CDH11: variants seen among roughly 807,000 people sequenced by gnomAD.
The protein encoded by CDH11 is cadherin 11, also known as cadherin-11.
Under a neutral mutation model 67.8 loss-of-function variants are expected in CDH11, and 11 were observed. The observed-to-expected ratio is 0.16, with a 90% CI of 0.10 to 0.27. The LOEUF (loss-of-function observed/expected upper bound fraction) is 0.27, where lower values mean the gene tolerates loss of function less well. Among genes scored for constraint, CDH11 ranks in the 10% least tolerant of loss-of-function variants. CDH11 has a pLI of 1.00. For synonymous variants in CDH11, 419 were observed against 400.0 expected (o/e 1.05, Z -0.57); for missense variants, 847 against 1,031.2 (o/e 0.82, Z 2.45).
At chr16:64,963,083 C>T (rs2071716876) in intron 11 of CDH11, among the ~76,000 whole-genome samples, 1 of 152,128 alleles carries the variant, frequency 6.6e-6, no homozygotes, top group African/African-American at 2.4e-5. Context: ...ACAAAAAATC[C>T]TACAATTTGA....
At chr16:65,025,873 G>A (rs78044314) in intron 2 of CDH11, among the ~76,000 whole-genome samples, 7,568 of 152,248 alleles carry the variant, frequency 0.05, 273 homozygotes, top group Non-Finnish European at 0.07. Flanking sequence ...GACCTCAGCT[G>A]TAGCTCCTTG....
intron 2 of CDH11, among the ~76,000 whole-genome samples, chr16:65,033,237 AACACACAC>A (rs57645922): frequency 2.2e-5 from 3 of 139,518 alleles, no homozygotes; most frequent in Non-Finnish European, 4.6e-5. Context: ...AAACTAGGAA[AACACACAC>A]ACACACACAC....
At chr16:65,009,899 G>A (rs772246613) in intron 2 of CDH11, among the ~76,000 whole-genome samples, 19 of 152,246 alleles carry the variant, frequency 1.2e-4, no homozygotes, top group African/African-American at 2.6e-4. Context: ...CAGATAGCCC[G>A]TCAGAAGCCA....
At chr16:65,023,401 C>A (rs1212486734) in intron 2 of CDH11, among the ~76,000 whole-genome samples, 1 of 152,130 alleles carries the variant, frequency 6.6e-6, no homozygotes, top group African/African-American at 2.4e-5. Flanking sequence ...TCATTGGTGG[C>A]CAGAAAAGAT....
chr16:65,033,358 C>T (rs1379963930), intron 2 of CDH11, among the ~76,000 whole-genome samples: 1 of 152,020 alleles, frequency 6.6e-6, no homozygotes, highest in African/African-American at 2.4e-5. Context: ...TACTCATCTC[C>T]TGGTTATTCT....
chr16:65,090,912 C>T (rs2074782222), intron 1 of CDH11, among the ~76,000 whole-genome samples: 1 of 152,052 alleles, frequency 6.6e-6, no homozygotes, highest in South Asian at 2.1e-4. Context: ...AGTGTGTTTC[C>T]TACTTGAGTA....
intron 1 of CDH11, chr16:65,095,030 T>C (rs1418343391): frequency 6.6e-6 from 1 of 152,242 alleles, no homozygotes; most frequent in Non-Finnish European, 1.5e-5. Context: ...TGCACAAGCA[T>C]GTTTCAGGTA....
intron 3 of CDH11, among the ~76,000 whole-genome samples, chr16:65,000,804 G>C (rs2072902084): frequency 6.6e-6 from 1 of 151,558 alleles, no homozygotes. Flanking sequence ...GTGAGACTTT[G>C]TCTCAAAAAT....
chr16:65,096,406 G>GGGGGGT (rs1555528173), intron 1 of CDH11, among the ~76,000 whole-genome samples: 18 of 134,008 alleles, frequency 1.3e-4, no homozygotes, highest in African/African-American at 5.0e-4. Flanking sequence ...AATCTTTCGG[G>GGGGGGT]GTGTGTGTGT....
At chr16:65,057,671 T>C (rs116759989) in intron 1 of CDH11, among the ~76,000 whole-genome samples, 17 of 152,212 alleles carry the variant, frequency 1.1e-4, no homozygotes, top group African/African-American at 4.1e-4. Context: ...TTCCCTCTCT[T>C]AGGCTCTCCA....
intron 1 of CDH11, among the ~76,000 whole-genome samples, chr16:65,060,948 G>A (rs2074229563): frequency 6.6e-6 from 1 of 152,158 alleles, no homozygotes; most frequent in African/African-American, 2.4e-5. Context: ...GCTTCAGTAA[G>A]TACTGCTGTT....
intron 1 of CDH11, among the ~76,000 whole-genome samples, chr16:65,116,457 T>G (rs945757327): frequency 6.6e-6 from 1 of 152,184 alleles, no homozygotes; most frequent in African/African-American, 2.4e-5. Context: ...TCAAGAGAGC[T>G]GAATGTGGAG....
chr16:65,002,935 T>C (rs564158102), intron 3 of CDH11, among the ~76,000 whole-genome samples: 275 of 151,546 alleles, frequency 1.8e-3, no homozygotes, highest in African/African-American at 6.3e-3. Flanking sequence ...TTTTTCTTTT[T>C]TTTTTTTTAA....
intron 2 of CDH11, among the ~76,000 whole-genome samples, chr16:65,023,940 T>C (rs1426224612): frequency 6.6e-6 from 1 of 152,132 alleles, no homozygotes; most frequent in African/African-American, 2.4e-5. Flanking sequence ...TCCTGTTTCA[T>C]CCTGGGACTA....
At chr16:64,955,245 CA>C (rs201928749) in intron 11 of CDH11, among the ~76,000 whole-genome samples, 1 of 151,100 alleles carries the variant, frequency 6.6e-6, no homozygotes, top group Non-Finnish European at 1.5e-5. Flanking sequence ...GACTCTGTCT[CA>C]AAAAAACAAA....
Position 64,995,577 on chromosome 16 carries a change from T to C in CDH11, c.524-2543A>G, listed in dbSNP as rs144376807. 5.2e-3 allele frequency among the ~76,000 whole-genome samples: 797 copies of C among 152,232 alleles called. 7 individuals carry two copies. The highest frequency in any genetic ancestry group is 0.018 in the African/African-American group (748 of 41,544). On this transcript the variant is annotated intron_variant, in intron 4 of 12. Transcript: ENST00000268603. ...GAAACTGGACCCCTACCTTTCCCCA[T>C]ATACAAAAATTAACTCAGGATGAAT...
chr16:64,991,934 A>C lies in CDH11; in HGVS notation c.645T>G (p.Gly215=). ...QPYFSVEAQT[G]IIRTALPNMD... is the part of the protein sequence containing the mutation. ...TGTTGGGTAGGGCTGTTCTGATGAT[A>C]CCTGGACAGGTAAGCAGGCAACATC... The change falls in exon 6 of 13, where the codon GGT becomes GGG. Residue 215 remains glycine, a splice_region_variant and synonymous_variant. Transcript: ENST00000268603. 1 of 1,598,544 alleles carries C rather than the reference A, an allele frequency of 6.3e-7. No homozygotes were observed. The highest frequency in any genetic ancestry group is 8.6e-7 in the Non-Finnish European group (1 of 1,167,720).
intron 1 of CDH11, among the ~76,000 whole-genome samples, chr16:65,087,526 CAG>C (rs2074721180): frequency 6.6e-6 from 1 of 152,078 alleles, no homozygotes; most frequent in African/African-American, 2.4e-5. Flanking sequence ...ATATTTTTAT[CAG>C]AGTTGATAAA....
At chr16:65,004,563 C>A in intron 3 of CDH11, 79 bp downstream of exon 3, 1 of 1,430,818 alleles carries the variant, frequency 7.0e-7, no homozygotes, top group Non-Finnish European at 9.4e-7. Context: ...TGCCTGTGGG[C>A]CTTTTGCTTC....
Sources: gnomAD v4.1 joint callset for allele counts (sites outside exome capture counted in the v4.1 genomes callset) on GRCh38, gnomAD v4.1.1 for gene constraint, MANE v1.5 for transcripts, NCBI Gene and HGNC (gene_info 2026-07-23, HGNC 2026-07-21) for gene names.